Variants in GALNT18 observed in about 807,000 individuals in gnomAD.
GALNT18 encodes GalNAc-transferase 18.
In GALNT18, 44 loss-of-function variants were observed where a neutral mutation model predicts 69.5. The ratio of observed to expected loss-of-function variants is 0.63; its 90% CI spans 0.50 to 0.81. The LOEUF is 0.81. Ranked by LOEUF, GALNT18 falls within the 40% of genes least tolerant of loss-of-function variation. GALNT18 has a pLI of 0.00. For missense variants in GALNT18, 715 were observed against 810.0 expected (o/e 0.88, Z 1.42); for synonymous variants, 364 against 318.2 (o/e 1.14, Z -1.53).
intron 3 of GALNT18, among the ~76,000 whole-genome samples, chr11:11,386,542 ATG>A (rs1854061946): frequency 6.6e-6 from 1 of 152,216 alleles, no homozygotes; most frequent in South Asian, 2.1e-4. Context: ...ATGTGTATGG[ATG>A]TGTGTTTGAT....
At chr11:11,408,036 A>C (rs1033031407) in intron 3 of GALNT18, among the ~76,000 whole-genome samples, 3 of 152,212 alleles carry the variant, frequency 2.0e-5, no homozygotes, top group African/African-American at 7.2e-5. Context: ...GAGAGAAATT[A>C]TACAAAACAG....
intron 10 of GALNT18, among the ~76,000 whole-genome samples, chr11:11,286,325 T>G (rs1276494080): frequency 4.6e-5 from 7 of 152,150 alleles, no homozygotes. Flanking sequence ...TCGGAAGAAG[T>G]GCGTGTTTAT....
At position 11,432,751 on chromosome 11, in the gene GALNT18, C is replaced by T. The variant is rs1295066476; in HGVS notation, c.465G>A (p.Glu155=). ...TGACGAAGATGAACACGATGCTCAC[C>T]TCTGGCAGGCTGTCAGGAAATGAGA... ...RNLSFPDSLP[E]VSIVFIFVNE... The change falls in exon 3 of 11, where the codon GAG becomes GAA. Residue 155 remains glutamate (E), a synonymous_variant. Transcript: ENST00000227756. This position sits in a 1 kb window ranked among gnomAD's most constrained non-coding sequence, Gnocchi z 5.8. 5 of 1,614,142 alleles carry T rather than the reference C, an allele frequency of 3.1e-6. No individual in the cohort carries two copies. The highest frequency in any genetic ancestry group is 4.2e-6 in the Non-Finnish European group (5 of 1,180,008).
chr11:11,381,799 C>G (rs1390194115), intron 3 of GALNT18, among the ~76,000 whole-genome samples: 2 of 152,158 alleles, frequency 1.3e-5, no homozygotes, highest in African/African-American at 4.8e-5. Flanking sequence ...ACAGGGAGAG[C>G]CATTGTGTAG....
At position 11,497,274 on chromosome 11, in the gene GALNT18, T is replaced by C. The variant is rs1272575804; in HGVS notation, c.236-48338A>G. On this transcript the variant is annotated intron_variant, in intron 1 of 10. Coordinates refer to ENST00000227756, the MANE Select transcript of GALNT18 (RefSeq NM_198516.3). The surrounding 1 kb of genome is among the most constrained non-coding windows in gnomAD (Gnocchi z 4.2). ...TGTGTCCTGTTTTCCTCATAGCATA[T>C]ACCATTACTTAAAATTATCCTACTT... 1.3e-5 allele frequency among the ~76,000 whole-genome samples: 2 copies of C among 151,512 alleles called. No homozygotes were observed. The highest frequency in any genetic ancestry group is 2.9e-5 in the Non-Finnish European group (2 of 67,958).
chr11:11,453,379 A>G (rs898598920), intron 1 of GALNT18, among the ~76,000 whole-genome samples: 5 of 152,280 alleles, frequency 3.3e-5, no homozygotes, highest in Middle Eastern at 3.4e-3. Flanking sequence ...GCCACTCATC[A>G]GACTCACCAG....
In GALNT18 at chr11:11,389,715, G is replaced by A. The variant is rs954393636; in HGVS notation, c.596-10451C>T. 6.6e-6 allele frequency among the ~76,000 whole-genome samples: 1 copy of A among 152,198 alleles called. No homozygotes were observed. The highest frequency in any genetic ancestry group is 2.4e-5 in the African/African-American group (1 of 41,450). On this transcript the variant is annotated intron_variant, in intron 3 of 10. Coordinates refer to ENST00000227756, the MANE Select transcript of GALNT18 (RefSeq NM_198516.3). This position sits in a 1 kb window ranked among gnomAD's most constrained non-coding sequence, Gnocchi z 4.3. ...AGGGAGGGCGTACCAAGAACTCAAAGCCTTGGGAATTGCTGGCAGATAGTG... is the reference window on the plus strand; with the variant it reads ...AGGGAGGGCGTACCAAGAACTCAAAACCTTGGGAATTGCTGGCAGATAGTG...
Position 11,480,750 on chromosome 11 carries a change from C to T in GALNT18, c.236-31814G>A, listed in dbSNP as rs1856508754. 6.6e-6 allele frequency among the ~76,000 whole-genome samples: 1 copy of T among 152,226 alleles called. No homozygotes were observed. Among genetic ancestry groups the T allele is most frequent in the African/African-American group, 2.4e-5 (1 of 41,460 alleles). On this transcript the variant is annotated intron_variant, in intron 1 of 10. Transcript: ENST00000227756. The surrounding 1 kb of genome is among the most constrained non-coding windows in gnomAD (Gnocchi z 4.6). ...TTCATCCCTGTATCAGCACTTCTCA[C>T]AGCGTGCTCTACAGAACCCTAGTTC...
intron 1 of GALNT18, among the ~76,000 whole-genome samples, chr11:11,610,258 G>A (rs1049803822): frequency 6.6e-6 from 1 of 152,160 alleles, no homozygotes; most frequent in Admixed American, 6.6e-5. Flanking sequence ...AAACAAGAGG[G>A]CCCTTAGCCC....
rs1255323607 is a variant in GALNT18 at position 11,314,454 on chromosome 11, A to G, written c.1512+12632T>C. Among the ~76,000 whole-genome samples the G allele has an allele frequency of 6.6e-6, 1 of 151,952 alleles. No homozygotes were observed. The highest frequency in any genetic ancestry group is 1.5e-5 in the Non-Finnish European group (1 of 67,998). On this transcript the variant is annotated intron_variant, in intron 9 of 10. Coordinates refer to ENST00000227756, the MANE Select transcript of GALNT18 (RefSeq NM_198516.3). The surrounding 1 kb of genome is among the most constrained non-coding windows in gnomAD (Gnocchi z 5.2). ...CCATCACTTGGTGCACAGAAGGTTA[A>G]CACTGCAGCACTAACATCTGTGTGC... is the stretch of plus-strand genomic sequence containing the variant.
rs1461898650 is a variant in GALNT18, at chr11:11,616,769, G to A, written c.235+4590C>T. Among the ~76,000 whole-genome samples, 2 of 152,150 alleles carry A rather than the reference G, an allele frequency of 1.3e-5. No individual in the cohort carries two copies. Among genetic ancestry groups the A allele is most frequent in the East Asian group, 1.9e-4 (1 of 5,200 alleles). On this transcript the variant is annotated intron_variant, in intron 1 of 10. Transcript: ENST00000227756. This position sits in a 1 kb window ranked among gnomAD's most constrained non-coding sequence, Gnocchi z 4.4. ...TGGTCCACTGGGTTTGTTCTCAAAC[G>A]TGTTTACACTATTTGTACTTGTCAC...
chr11:11,376,399 CAGACAG>C (rs1234158580), intron 5 of GALNT18, among the ~76,000 whole-genome samples: 1 of 152,150 alleles, frequency 6.6e-6, no homozygotes, highest in Admixed American at 6.5e-5. Context: ...AAAACAAACA[CAGACAG>C]AAATAAAAAC....
rs757702524 is a variant in GALNT18 at position 11,480,069 on chromosome 11, G to T, written c.236-31133C>A. ...AGTTTGTAGATCTTGGAGCGGGGAG[G>T]GGGTACAGGAGGCAGAAAATACTGC... On this transcript the variant is annotated intron_variant, in intron 1 of 10. Transcript: ENST00000227756. The surrounding 1 kb of genome is among the most constrained non-coding windows in gnomAD (Gnocchi z 4.6). 1.1e-4 allele frequency among the ~76,000 whole-genome samples: 16 copies of T among 151,862 alleles called. No individual in the cohort carries two copies. Among genetic ancestry groups the T allele is most frequent in the Non-Finnish European group, 2.4e-4 (16 of 67,958 alleles).
chr11:11,428,380 C>T (rs1383934724), intron 3 of GALNT18, among the ~76,000 whole-genome samples: 1 of 152,212 alleles, frequency 6.6e-6, no homozygotes, highest in African/African-American at 2.4e-5. Flanking sequence ...TGTCCCATTC[C>T]ACATGGGAAC....
At chr11:11,406,012 G>T (rs912306424) in intron 3 of GALNT18, among the ~76,000 whole-genome samples, 15 of 152,184 alleles carry the variant, frequency 9.9e-5, no homozygotes, top group African/African-American at 3.4e-4. Context: ...ATCTCACGGA[G>T]GTTCATAGCA....
At chr11:11,569,247 G>GAA (rs11426572) in intron 1 of GALNT18, among the ~76,000 whole-genome samples, 1,601 of 136,144 alleles carry the variant, frequency 0.012, 27 homozygotes, top group Middle Eastern at 0.05. Flanking sequence ...AGGCTGAAGG[G>GAA]AAAAAAAAAA....
intron 1 of GALNT18, among the ~76,000 whole-genome samples, chr11:11,457,428 A>G (rs557748516): frequency 1.3e-5 from 2 of 152,138 alleles, no homozygotes; most frequent in South Asian, 4.2e-4. Context: ...TGTAGCCTGG[A>G]CCTCTTCCTA....
At chr11:11,283,807 C>T (rs991209872) in intron 10 of GALNT18, among the ~76,000 whole-genome samples, 11 of 151,942 alleles carry the variant, frequency 7.2e-5, no homozygotes, top group Non-Finnish European at 1.2e-4. Flanking sequence ...GGAGAGAAGC[C>T]GTAGCACACA....
At chr11:11,407,049 G>A (rs1370300445) in intron 3 of GALNT18, among the ~76,000 whole-genome samples, 1 of 152,232 alleles carries the variant, frequency 6.6e-6, no homozygotes, top group Middle Eastern at 3.2e-3. Context: ...AACCTACTCA[G>A]TTCAGGGAGG....
Sources: allele counts gnomAD v4.1 joint callset (sites outside exome capture counted in the v4.1 genomes callset), GRCh38; gene constraint gnomAD v4.1.1; non-coding constraint Gnocchi (gnomAD v3.1); transcripts MANE v1.5; gene names NCBI Gene and HGNC (gene_info 2026-07-23, HGNC 2026-07-21).